ZNF536: variants seen among roughly 807,000 people sequenced by gnomAD.
The protein encoded by ZNF536 is zinc finger protein 536.
ZNF536 carries 13 observed loss-of-function variants against 84.5 expected under a neutral mutation model. The ratio of observed to expected loss-of-function variants is 0.15; its 90% CI spans 0.10 to 0.24. The LOEUF is 0.24. ZNF536 is among the 10% of genes least tolerant of loss of function. The probability of loss-of-function intolerance (pLI) is 1.00; values close to 1 mark genes in which losing one functional copy is unlikely to be tolerated. For synonymous variants in ZNF536, 811 were observed against 742.5 expected, an observed-to-expected ratio of 1.09 and a Z score of -1.50; for missense variants, 1,536 against 1,747.5, an observed-to-expected ratio of 0.88 and a Z score of 2.16.
chr19:30,469,317 C>A (rs2053539344), intron 2 of ZNF536, among the ~76,000 whole-genome samples: 1 of 151,994 alleles, frequency 6.6e-6, no homozygotes, highest in South Asian at 2.1e-4. Context: ...GAGGCTGAGG[C>A]AGGAGGATGG....
At position 30,443,600 on chromosome 19, in the gene ZNF536, C is replaced by T. The variant is rs2148145439; in HGVS notation, c.38C>T (p.Ala13Val). 1 of 1,583,460 alleles carries T rather than the reference C, an allele frequency of 6.3e-7. No individual in the cohort carries two copies. The highest frequency in any genetic ancestry group is 8.6e-7 in the Non-Finnish European group (1 of 1,167,360). The change falls in exon 2 of 5, where the codon GCG becomes GTG. Residue 13 changes from alanine to valine, a missense_variant. Ala to Val is a moderately conservative substitution (Grantham distance 64, BLOSUM62 0). Transcript: ENST00000355537. Reference protein sequence around the residue: ...EASLCLGVSSAEPEAEPHLSG... With the variant: ...EASLCLGVSSVEPEAEPHLSG... ...AGCCTGTGCCTTGGAGTGTCTTCGG[C>T]GGAGCCGGAAGCTGAGCCCCACCTG... is the stretch of plus-strand genomic sequence containing the variant.
At chr19:30,659,318 G>A (rs1223201276) in intron 1 of ZNF536, among the ~76,000 whole-genome samples, 1 of 151,734 alleles carries the variant, frequency 6.6e-6, no homozygotes, top group Non-Finnish European at 1.5e-5. Context: ...GAGGTGGGAG[G>A]TGCCACACAC....
At chr19:30,648,347 G>A (rs1283029264) in intron 1 of ZNF536, among the ~76,000 whole-genome samples, 1 of 152,140 alleles carries the variant, frequency 6.6e-6, no homozygotes, top group African/African-American at 2.4e-5. Flanking sequence ...TGCGTGCTGA[G>A]ACATCACTCT....
intron 1 of ZNF536, among the ~76,000 whole-genome samples, chr19:30,595,910 T>C (rs565193509): frequency 2.2e-4 from 34 of 152,116 alleles, no homozygotes; most frequent in African/African-American, 8.2e-4. Context: ...GGACAACTCC[T>C]GGGAAAGGAG....
chr19:30,620,759 C>T (rs2048454799), intron 1 of ZNF536, among the ~76,000 whole-genome samples: 1 of 152,100 alleles, frequency 6.6e-6, no homozygotes, highest in African/African-American at 2.4e-5. Context: ...TTTTGAATGA[C>T]ACACGAAATG....
At chr19:30,350,012 A>G (rs1333161906) in intron 2 of ZNF536, among the ~76,000 whole-genome samples, 2 of 149,318 alleles carry the variant, frequency 1.3e-5, no homozygotes, top group African/African-American at 2.5e-5. Flanking sequence ...TTTTTTTTCT[A>G]TTCATTTTAG....
chr19:30,546,919 C>T (rs902023012), intron 3 of ZNF536, among the ~76,000 whole-genome samples: 4 of 152,168 alleles, frequency 2.6e-5, no homozygotes, highest in Non-Finnish European at 5.9e-5. Flanking sequence ...CCCACAATGC[C>T]AGCAAATGTA....
At chr19:30,301,843 A>G (rs1172458294) in intron 2 of ZNF536, among the ~76,000 whole-genome samples, 1 of 151,486 alleles carries the variant, frequency 6.6e-6, no homozygotes, top group Non-Finnish European at 1.5e-5. Flanking sequence ...TGAAAAAAAA[A>G]AAGCCCAGGG....
intron 2 of ZNF536, among the ~76,000 whole-genome samples, chr19:30,312,696 T>A (rs2046546197): frequency 6.6e-6 from 1 of 152,198 alleles, no homozygotes; most frequent in Non-Finnish European, 1.5e-5. Context: ...CCACTGCTCA[T>A]GGTCAGAGTG....
chr19:30,596,661 C>G (rs2047474100), intron 1 of ZNF536, among the ~76,000 whole-genome samples: 1 of 151,690 alleles, frequency 6.6e-6, no homozygotes, highest in South Asian at 2.1e-4. Flanking sequence ...TTTTCTAAAG[C>G]TGCAAAAAGG....
In ZNF536 at chr19:30,566,754, G is replaced by C. The variant is rs565091467; in HGVS notation, c.169+17240G>C. ...CCGGACAGTGGAGGTTCCTGGGAGT[G>C]GCCTCTCCGGGCAGTGGAGGGATCC... On this transcript the variant is annotated intron_variant, in intron 1 of 1. Coordinates refer to the ZNF536 transcript ENST00000592773. Among the ~76,000 whole-genome samples, 255 of 152,064 alleles carry C rather than the reference G, an allele frequency of 1.7e-3. 2 individuals are homozygous for C. The highest frequency in any genetic ancestry group is 5.9e-3 in the African/African-American group (243 of 41,502).
chr19:30,580,438 T>C (rs994012044), intron 1 of ZNF536, among the ~76,000 whole-genome samples: 1 of 152,176 alleles, frequency 6.6e-6, no homozygotes, highest in African/African-American at 2.4e-5. Flanking sequence ...TCAGCACAAC[T>C]GTGGTCAGGT....
intron 2 of ZNF536, among the ~76,000 whole-genome samples, chr19:30,501,330 C>T (rs2054942114): frequency 6.6e-6 from 1 of 152,174 alleles, no homozygotes; most frequent in Non-Finnish European, 1.5e-5. Context: ...AACTTCAGGT[C>T]ACTTGCTTGC....
chr19:30,347,704 G>T (rs1241843978), intron 2 of ZNF536, among the ~76,000 whole-genome samples: 1 of 152,194 alleles, frequency 6.6e-6, no homozygotes, highest in Non-Finnish European at 1.5e-5. Context: ...AGGGCCAGGG[G>T]TCTCATTGTC....
In ZNF536 at chr19:30,280,935, C is replaced by T. The variant is rs144232981; in HGVS notation, c.-189-3137C>T. 3.2e-4 allele frequency among the ~76,000 whole-genome samples: 48 copies of T among 152,250 alleles called. 1 individual carries two copies. Among genetic ancestry groups the T allele is most frequent in the Admixed American group, 5.9e-4 (9 of 15,296 alleles). The stretch of plus-strand genomic sequence containing the variant: ...GGCTAGCTTGTATGTCTGCGTTCAG[C>T]GGGGCTCATTCAGTGAACATGGCTG... On this transcript the variant is annotated intron_variant, in intron 1 of 5. Transcript: ENST00000585628.
At chr19:30,551,203 A>G (rs943870111) in intron 4 of ZNF536, among the ~76,000 whole-genome samples, 4 of 151,578 alleles carry the variant, frequency 2.6e-5, no homozygotes, top group East Asian at 1.9e-4. Flanking sequence ...CCAGGAATCC[A>G]TGCATCAGAA....
intron 2 of ZNF536, among the ~76,000 whole-genome samples, chr19:30,485,612 T>C (rs2054273984): frequency 6.6e-6 from 1 of 151,854 alleles, no homozygotes. Flanking sequence ...TCTTTTTTTT[T>C]TTGTCTTTTC....
intron 1 of ZNF536, among the ~76,000 whole-genome samples, chr19:30,384,189 T>TTC: frequency 1.8e-5 from 1 of 55,854 alleles, no homozygotes; most frequent in Non-Finnish European, 4.3e-5. Context: ...TTCTTTCTCC[T>TTC]TCCTTCCTTC....
At chr19:30,466,525 T>C (rs2053401132) in intron 2 of ZNF536, among the ~76,000 whole-genome samples, 1 of 150,570 alleles carries the variant, frequency 6.6e-6, no homozygotes, top group East Asian at 2.0e-4. Context: ...GATATACCAT[T>C]GCACTCCAGC....
Sources: allele counts gnomAD v4.1 joint callset (sites outside exome capture counted in the v4.1 genomes callset), GRCh38; gene constraint gnomAD v4.1.1; transcripts MANE v1.5; gene names NCBI Gene and HGNC (gene_info 2026-07-23, HGNC 2026-07-21).